Variants in AP1S3 observed in about 807,000 individuals in gnomAD.
The protein encoded by AP1S3 is adaptor related protein complex 1 subunit sigma 3.
Under a neutral mutation model 20.9 loss-of-function variants are expected in AP1S3, and 10 were observed. The observed-to-expected ratio is 0.48, with a 90% CI of 0.29 to 0.81. AP1S3 has a LOEUF of 0.81. Among genes scored for constraint, AP1S3 ranks in the 30% least tolerant of loss-of-function variants. AP1S3 has a pLI of 0.08. For missense variants in AP1S3, 154 were observed against 183.8 expected, an observed-to-expected ratio of 0.84 and a Z score of 0.94; for synonymous variants, 41 against 61.5, an observed-to-expected ratio of 0.67 and a Z score of 1.56.
Position 223,816,743 on chromosome 2 carries a change from C to G in AP1S3, c.3+20705G>C, listed in dbSNP as rs139159842. ...GTTTACCAATATGAGGCTTTTGACT[C>G]TATGTTAAATAGATCCATAACACCA... On this transcript the variant is annotated intron_variant, in intron 1 of 4. Coordinates refer to ENST00000396654, the MANE Select transcript of AP1S3 (RefSeq NM_001039569.2). Among the ~76,000 whole-genome samples, 49 of 152,296 alleles carry G rather than the reference C, an allele frequency of 3.2e-4. 1 individual carries two copies. The East Asian group carries it at 8.5e-3, about 26-fold the overall frequency.
At position 223,777,730 on chromosome 2, in the gene AP1S3, C is replaced by G. The variant is rs758705275; in HGVS notation, c.143G>C (p.Ser48Thr). The G allele has an allele frequency of 1.9e-5, 30 of 1,613,790 alleles. No homozygotes were observed. Among genetic ancestry groups the G allele is most frequent in the Non-Finnish European group, 2.5e-5 (29 of 1,179,998 alleles). Residue 48 changes from serine (S) to threonine (T), a missense_variant, in exon 2 of 5, where the codon AGT (serine) becomes ACT (threonine). Physicochemically the swap from Ser to Thr is moderately conservative, Grantham distance 58. Coordinates refer to ENST00000396654, the MANE Select transcript of AP1S3 (RefSeq NM_001039569.2). ...IILSRGHRTS[S>T]FVDWKELKLV... ...TTTTAGCTCCTTCCAGTCAACAAAACTGCTTGTCCTGTGACCACGGGAGAG... is the reference window on the plus strand; with the variant it reads ...TTTTAGCTCCTTCCAGTCAACAAAAGTGCTTGTCCTGTGACCACGGGAGAG...
In AP1S3 at chr2:223,806,387, C is replaced by G. The variant is rs553641749; in HGVS notation, c.4-28518G>C. Among the ~76,000 whole-genome samples the G allele has an allele frequency of 2.0e-5, 3 of 150,448 alleles. No individual in the cohort carries two copies. In the South Asian group the frequency reaches 6.3e-4, roughly 31 times the overall value. On this transcript the variant is annotated intron_variant, in intron 1 of 4. Coordinates refer to ENST00000396654, the MANE Select transcript of AP1S3 (RefSeq NM_001039569.2). Reference sequence around the variant, plus strand: ...CAAGCTCCGCCTCCCGGGTTCACACCATTCTCCTGCCTCAACCTCTCGAGT... The same window carrying G: ...CAAGCTCCGCCTCCCGGGTTCACACGATTCTCCTGCCTCAACCTCTCGAGT...
Position 223,763,437 on chromosome 2 carries a change from ACT to A in AP1S3, c.429+1774_429+1775del, listed in dbSNP as rs747674656. On this transcript the variant is annotated intron_variant, in intron 4 of 4. Transcript: ENST00000396654. ...TGAAGTGCCAAAGACTCCGTTAAAA[ACT>A]CTGTTTCTCCTGTAAGGAGACTCCA... is the stretch of plus-strand genomic sequence containing the variant. 2.8e-4 allele frequency among the ~76,000 whole-genome samples: 42 copies of A among 151,552 alleles called. 1 individual carries two copies. Among genetic ancestry groups the A allele is most frequent in the Admixed American group, 2.4e-3 (36 of 15,208 alleles).
intron 1 of AP1S3, among the ~76,000 whole-genome samples, chr2:223,803,532 T>C (rs1263740385): frequency 6.6e-6 from 1 of 152,184 alleles, no homozygotes; most frequent in East Asian, 1.9e-4. Flanking sequence ...TGGCTGGTCA[T>C]GTAATGCCTT....
intron 1 of AP1S3, among the ~76,000 whole-genome samples, chr2:223,785,918 T>A (rs1691061900): frequency 6.6e-6 from 1 of 152,228 alleles, no homozygotes; most frequent in Non-Finnish European, 1.5e-5. Context: ...CTGTACTCCC[T>A]GAATCTAAAA....
chr2:223,835,492 T>A lies in AP1S3; in HGVS notation c.3+1956A>T, dbSNP rs1692374586. On this transcript the variant is annotated intron_variant, in intron 1 of 4. Coordinates refer to ENST00000396654, the MANE Select transcript of AP1S3 (RefSeq NM_001039569.2). ...CAACATGGCAAAACCCCGTCTCTAC[T>A]AAAAATACAAAAATTAGCTAGGCGT... Among the ~76,000 whole-genome samples, 3 of 152,044 alleles carry A rather than the reference T, an allele frequency of 2.0e-5. No individual in the cohort carries two copies. In the South Asian group the frequency reaches 6.2e-4, roughly 32 times the overall value.
At chr2:223,788,335 G>A (rs892090504) in intron 1 of AP1S3, among the ~76,000 whole-genome samples, 10 of 152,012 alleles carry the variant, frequency 6.6e-5, no homozygotes, top group South Asian at 2.1e-4. Context: ...ATATTTGGCC[G>A]GGCGTGGTGG....
At position 223,837,428 on chromosome 2, in the gene AP1S3, G is replaced by T; in HGVS notation, c.3+20C>A. 8.2e-7 allele frequency: 1 copy of T among 1,223,004 alleles called. No individual in the cohort carries two copies. Among genetic ancestry groups the T allele is most frequent in the Non-Finnish European group, 1.0e-6 (1 of 975,692 alleles). 75.8% of individuals were successfully genotyped at this position (1,223,004 alleles called of 1,614,324 possible). ...AGCGCCCCCACCGCCTACCCGGGCC[G>T]GCGGTTCCCCCGCACTCACCATCGT... On this transcript the variant is annotated intron_variant, in intron 1 of 4. Coordinates refer to ENST00000396654, the MANE Select transcript of AP1S3 (RefSeq NM_001039569.2).
At chr2:223,770,315 C>T in intron 3 of AP1S3, 1 of 1,550,468 alleles carries the variant, frequency 6.4e-7, no homozygotes, top group Non-Finnish European at 8.7e-7. Flanking sequence ...GAGAAACCAG[C>T]AATTAAACTC....
intron 1 of AP1S3, among the ~76,000 whole-genome samples, chr2:223,799,600 T>C (rs1343513089): frequency 6.6e-6 from 1 of 152,214 alleles, no homozygotes; most frequent in Non-Finnish European, 1.5e-5. Context: ...CCAGATCATC[T>C]ACATTCCAAA....
At chr2:223,765,391 G>T (rs1291522388) in intron 3 of AP1S3, 41 bp from the exon 4 acceptor site, 2 of 1,574,346 alleles carry the variant, frequency 1.3e-6, no homozygotes, top group Non-Finnish European at 1.7e-6. Context: ...ACTTGCAGTT[G>T]TATCAGGGGA....
intron 1 of AP1S3, among the ~76,000 whole-genome samples, chr2:223,788,056 T>G (rs984387787): frequency 6.6e-6 from 1 of 151,958 alleles, no homozygotes; most frequent in Non-Finnish European, 1.5e-5. Flanking sequence ...ATCCTCATGC[T>G]GTGCCTCAGC....
intron 3 of AP1S3, among the ~76,000 whole-genome samples, chr2:223,767,053 G>T (rs1313520557): frequency 6.6e-6 from 1 of 152,016 alleles, no homozygotes. Flanking sequence ...GGAGTGTGTT[G>T]GGGGGTGGGG....
chr2:223,799,902 T>A (rs912585506), intron 1 of AP1S3, among the ~76,000 whole-genome samples: 7 of 133,634 alleles, frequency 5.2e-5, no homozygotes. Flanking sequence ...CAAAGCCAGA[T>A]CAGCATTCAA....
At chr2:223,788,415 C>G (rs2106100525) in intron 1 of AP1S3, among the ~76,000 whole-genome samples, 1 of 151,044 alleles carries the variant, frequency 6.6e-6, no homozygotes, top group African/African-American at 2.4e-5. Context: ...GAATTCAAGA[C>G]CAGTCTGGCC....
chr2:223,831,414 G>A (rs1399639099), intron 1 of AP1S3, among the ~76,000 whole-genome samples: 5 of 152,202 alleles, frequency 3.3e-5, no homozygotes, highest in African/African-American at 7.2e-5. Context: ...GATTACAGGC[G>A]TGAGCCACCG....
At chr2:223,789,737 C>T (rs1574705002) in intron 1 of AP1S3, among the ~76,000 whole-genome samples, 1 of 148,700 alleles carries the variant, frequency 6.7e-6, no homozygotes, top group East Asian at 2.0e-4. Context: ...ACTCAGGAGG[C>T]TGAGGTAGGA....
At chr2:223,771,123 G>A (rs1690614196) in intron 3 of AP1S3, among the ~76,000 whole-genome samples, 2 of 151,620 alleles carry the variant, frequency 1.3e-5, no homozygotes, top group Admixed American at 1.3e-4. Context: ...ATCATTTGAG[G>A]TCAAGAGTTC....
intron 4 of AP1S3, among the ~76,000 whole-genome samples, chr2:223,762,934 G>GAA (rs201153582): frequency 3.5e-4 from 50 of 143,256 alleles, no homozygotes; most frequent in African/African-American, 1.2e-3. Context: ...CAAAGGACAG[G>GAA]AAAAAAAAAA....
Sources: gnomAD v4.1 joint callset for allele counts (sites outside exome capture counted in the v4.1 genomes callset) on GRCh38, gnomAD v4.1.1 for gene constraint, MANE v1.5 for transcripts, NCBI Gene and HGNC (gene_info 2026-07-23, HGNC 2026-07-21) for gene names.